Variants in TMEM182 observed in about 807,000 individuals in gnomAD.
TMEM182 encodes transmembrane protein 182.
Under a neutral mutation model 26.8 loss-of-function variants are expected in TMEM182, and 20 were observed. The ratio of observed to expected loss-of-function variants is 0.75; its 90% CI spans 0.53 to 1.09. The LOEUF (loss-of-function observed/expected upper bound fraction) is 1.09. Ranked by LOEUF, TMEM182 falls within the 50% of genes least tolerant of loss-of-function variation. The pLI, the probability that TMEM182 is intolerant of heterozygous loss-of-function variation, is 0.00. For synonymous variants in TMEM182, 109 were observed against 102.2 expected (o/e 1.07, Z -0.40); for missense variants, 277 against 275.5 (o/e 1.01, Z -0.04).
chr2:102,775,745 A>G (rs2104685630), intron 3 of TMEM182, among the ~76,000 whole-genome samples: 1 of 152,288 alleles, frequency 6.6e-6, no homozygotes, highest in African/African-American at 2.4e-5. Flanking sequence ...TACACCAACA[A>G]CAGACAAACA....
At chr2:102,791,642 A>C (rs78832506) in intron 3 of TMEM182, among the ~76,000 whole-genome samples, 5 of 152,310 alleles carry the variant, frequency 3.3e-5, no homozygotes, top group South Asian at 2.1e-4. Context: ...ATCCTTTCAC[A>C]GATTCACATG....
intron 1 of TMEM182, among the ~76,000 whole-genome samples, chr2:102,741,228 A>G (rs1255577976): frequency 6.6e-6 from 1 of 152,224 alleles, no homozygotes; most frequent in Non-Finnish European, 1.5e-5. Context: ...AGTAACTAGT[A>G]GGATGACTTC....
intron 3 of TMEM182, among the ~76,000 whole-genome samples, chr2:102,824,756 G>A (rs1178415666): frequency 6.6e-6 from 1 of 151,174 alleles, no homozygotes; most frequent in East Asian, 1.9e-4. Context: ...GAACCCAGGA[G>A]GTGGAGGTTG....
intron 3 of TMEM182, among the ~76,000 whole-genome samples, chr2:102,786,861 A>G (rs1395374643): frequency 1.3e-5 from 2 of 152,304 alleles, no homozygotes; most frequent in African/African-American, 4.8e-5. Flanking sequence ...GACACTCACA[A>G]TCAGGAAGTG....
downstream of TMEM182, among the ~76,000 whole-genome samples, chr2:102,819,654 A>G (rs1456398189): frequency 6.6e-6 from 1 of 152,236 alleles, no homozygotes; most frequent in Admixed American, 6.5e-5. Flanking sequence ...ATATATACAC[A>G]TAATGTATGT....
At chr2:102,778,299 C>T (rs955048960) in intron 3 of TMEM182, among the ~76,000 whole-genome samples, 1 of 151,792 alleles carries the variant, frequency 6.6e-6, no homozygotes, top group African/African-American at 2.4e-5. Context: ...TCTTCTTGAT[C>T]TTATATTAAT....
chr2:102,819,633 T>C (rs1364285006), downstream of TMEM182, among the ~76,000 whole-genome samples: 1 of 152,214 alleles, frequency 6.6e-6, no homozygotes, highest in African/African-American at 2.4e-5. Flanking sequence ...TGATTACACA[T>C]GCATGCACAC....
chr2:102,761,245 C>T (rs1680203025), upstream of TMEM182, among the ~76,000 whole-genome samples: 1 of 151,502 alleles, frequency 6.6e-6, no homozygotes, highest in Non-Finnish European at 1.5e-5. Context: ...AGATTCATTG[C>T]TATTAGGTGG....
At chr2:102,753,871 G>A (rs770884730) in intron 1 of TMEM182, among the ~76,000 whole-genome samples, 47 of 152,276 alleles carry the variant, frequency 3.1e-4, no homozygotes, top group Non-Finnish European at 5.9e-4. Flanking sequence ...AACAAAAACC[G>A]AACCACTTAT....
Position 102,764,380 on chromosome 2 carries a change from C to A in TMEM182, c.284C>A (p.Pro95His), listed in dbSNP as rs1227884013. The change falls in exon 3 of 5, where the codon CCC becomes CAC. Residue 95 changes from proline to histidine, a missense_variant. Physicochemically the swap from Pro to His is moderately conservative, Grantham distance 77 (BLOSUM62 -2). Coordinates refer to ENST00000412401, the MANE Select transcript of TMEM182 (RefSeq NM_144632.5). Reference protein sequence around the residue: ...NCTHAYLSPYPFMRGEHNSTS... With the variant: ...NCTHAYLSPYHFMRGEHNSTS... ...ACACATGCTTACCTGTCTCCGTACCCCTTCATGAGAGGCGAGCACAACTCG... is the reference window on the plus strand; with the variant it reads ...ACACATGCTTACCTGTCTCCGTACCACTTCATGAGAGGCGAGCACAACTCG... 6.2e-7 allele frequency: 1 copy of A among 1,613,956 alleles called. No homozygotes were observed. The highest frequency in any genetic ancestry group is 8.5e-7 in the Non-Finnish European group (1 of 1,179,898).
chr2:102,744,862 T>C (rs1679645833), intron 1 of TMEM182, among the ~76,000 whole-genome samples: 1 of 152,150 alleles, frequency 6.6e-6, no homozygotes, highest in South Asian at 2.1e-4. Context: ...ATTTTGAATA[T>C]GAGATGCTTA....
At chr2:102,829,172 G>A (rs1156676364) in intron 3 of TMEM182, among the ~76,000 whole-genome samples, 1 of 152,164 alleles carries the variant, frequency 6.6e-6, no homozygotes, top group Non-Finnish European at 1.5e-5. Flanking sequence ...TCCCAATCAG[G>A]TAGCACCTTT....
rs142881486 is a variant in TMEM182 at position 102,815,544 on chromosome 2, A to T, written c.*576A>T. On this transcript the variant is annotated 3_prime_UTR_variant, in exon 5 of 5. Transcript: ENST00000412401. Reference sequence around the variant, plus strand: ...GGCCACAACAAACAAGACTGAGAGCATGTACTTATCTTGCTTTTTCACCAA... The same window carrying T: ...GGCCACAACAAACAAGACTGAGAGCTTGTACTTATCTTGCTTTTTCACCAA... 1 of 985,450 alleles carries T rather than the reference A, an allele frequency of 1.0e-6. No individual in the cohort carries two copies. The highest frequency in any genetic ancestry group is 1.2e-6 in the Non-Finnish European group (1 of 830,040). The allele number at this position is 985,450 out of a possible 1,614,324, so 61.0% of individuals were successfully genotyped here. A position where few individuals can be genotyped will look rare whatever the true frequency, so the allele number is the denominator to read the frequency against.
chr2:102,770,009 A>G (rs1680606212), intron 3 of TMEM182, among the ~76,000 whole-genome samples: 3 of 152,212 alleles, frequency 2.0e-5, no homozygotes, highest in Admixed American at 1.3e-4. Context: ...ATTAATTATA[A>G]TCATTGATAC....
intron 1 of TMEM182, among the ~76,000 whole-genome samples, chr2:102,737,930 T>C (rs2540315): frequency 0.25 from 37,854 of 152,164 alleles, 4,749 homozygotes; most frequent in Middle Eastern, 0.28. Flanking sequence ...TTCTGAGATC[T>C]GTTAAATTCA....
At chr2:102,746,978 C>A (rs1341535166) in intron 1 of TMEM182, among the ~76,000 whole-genome samples, 2 of 152,206 alleles carry the variant, frequency 1.3e-5, no homozygotes, top group Non-Finnish European at 2.9e-5. Context: ...GAATGTTTTA[C>A]AATTTGCTTT....
At chr2:102,778,749 T>G (rs1384314858) in intron 3 of TMEM182, among the ~76,000 whole-genome samples, 1 of 152,100 alleles carries the variant, frequency 6.6e-6, no homozygotes. Context: ...GTAAGTAAAG[T>G]GCAAAACTTT....
chr2:102,817,044 T>G lies in TMEM182; in HGVS notation c.*2076T>G, dbSNP rs1247355364. 1 of 985,564 alleles carries G rather than the reference T, an allele frequency of 1.0e-6. No homozygotes were observed. The highest frequency in any genetic ancestry group is 1.7e-5 in the African/African-American group (1 of 57,248). 61.1% of individuals were successfully genotyped at this position (985,564 alleles called of 1,614,324 possible). On this transcript the variant is annotated 3_prime_UTR_variant, in exon 5 of 5. Coordinates refer to ENST00000412401, the MANE Select transcript of TMEM182 (RefSeq NM_144632.5). ...CTTTGGAACTATTTTATAGTTGTAA[T>G]GCATCAATCAAATACATTTCAAGCA... is the stretch of plus-strand genomic sequence containing the variant.
At chr2:102,756,666 G>T (rs1449823271) in intron 1 of TMEM182, among the ~76,000 whole-genome samples, 1 of 152,102 alleles carries the variant, frequency 6.6e-6, no homozygotes, top group East Asian at 1.9e-4. Context: ...CTGAGTTCCT[G>T]CCACTGCACT....
Sources: allele counts gnomAD v4.1 joint callset (sites outside exome capture counted in the v4.1 genomes callset), GRCh38; gene constraint gnomAD v4.1.1; transcripts MANE v1.5; gene names NCBI Gene and HGNC (gene_info 2026-07-23, HGNC 2026-07-21).